NINL: variants seen among roughly 807,000 people sequenced by gnomAD.
NINL encodes the protein ninein like, also known as ninein-like protein.
In NINL, 153 loss-of-function variants were observed where a neutral mutation model predicts 160.3. That is an observed-to-expected ratio of 0.95 (90% confidence interval 0.84 to 1.09). The LOEUF is 1.09. Among genes scored for constraint, NINL ranks in the 50% least tolerant of loss-of-function variants. NINL has a pLI of 0.00. For missense variants in NINL, 1,829 were observed against 1,764.0 expected (o/e 1.04, Z -0.66); for synonymous variants, 800 against 734.8 (o/e 1.09, Z -1.43).
rs556451558 is a variant in NINL at position 25,489,167 on chromosome 20, C to T, written c.1677+77G>A. ...GCTCTCCCTGGAGCAGACACTCCTG[C>T]GTTACTGTGGACCACCTGCGTGTGG... On this transcript the variant is annotated intron_variant, in intron 13 of 23. Coordinates refer to ENST00000278886, the MANE Select transcript of NINL (RefSeq NM_025176.6). 1.5e-4 allele frequency: 208 copies of T among 1,345,076 alleles called. 2 individuals are homozygous for T. The East Asian group carries it at 3.1e-3, about 20-fold the overall frequency. 83.3% of individuals were successfully genotyped at this position (1,345,076 alleles called of 1,614,324 possible). A position where few individuals can be genotyped will look rare whatever the true frequency, so the allele number is the denominator to read the frequency against.
intron 1 of NINL, among the ~76,000 whole-genome samples, chr20:25,552,568 C>G (rs2064818088): frequency 6.6e-6 from 1 of 152,250 alleles, no homozygotes; most frequent in African/African-American, 2.4e-5. Context: ...TGGCACTATA[C>G]AGACAGAGGC....
Position 25,478,926 on chromosome 20 carries a change from A to G in NINL, c.2198T>C (p.Ile733Thr), listed in dbSNP as rs777060849. The G allele has an allele frequency of 1.3e-6, 2 of 1,533,734 alleles. No individual in the cohort carries two copies. The highest frequency in any genetic ancestry group is 1.7e-6 in the Non-Finnish European group (2 of 1,144,148). The stretch of plus-strand genomic sequence containing the variant: ...TCTCAAAAGAAGCTGGCTGGACCTG[A>G]TCTGCTGCAGGTGGCTGTGATGCCG... ...ALRHHSHLQQIRREAEAELSG... is the reference protein window; with the variant it reads ...ALRHHSHLQQTRREAEAELSG... Residue 733 changes from isoleucine to threonine, a missense_variant, in exon 16 of 24, where the codon ATC (isoleucine) becomes ACC (threonine). Ile to Thr is a moderately conservative substitution (Grantham distance 89, BLOSUM62 -1). Transcript: ENST00000278886.
At chr20:25,525,183 G>A (rs893510764) in intron 2 of NINL, among the ~76,000 whole-genome samples, 10 of 152,186 alleles carry the variant, frequency 6.6e-5, no homozygotes, top group Non-Finnish European at 7.3e-5. Flanking sequence ...CCTTATGAGG[G>A]AGGCACAGTG....
chr20:25,582,708 T>G (rs1041803381), intron 1 of NINL, among the ~76,000 whole-genome samples: 5 of 152,178 alleles, frequency 3.3e-5, no homozygotes, highest in African/African-American at 1.2e-4. Flanking sequence ...CTCTAACACC[T>G]GAACATTTTC....
chr20:25,462,666 G>GTTTTGT (rs2062821017), intron 19 of NINL, 125 bp from the exon 20 acceptor site: 3 of 906,040 alleles, frequency 3.3e-6, no homozygotes, highest in Admixed American at 2.8e-5. Flanking sequence ...GTTTTGTTTT[G>GTTTTGT]TTTTTCAAGA....
intron 10 of NINL, among the ~76,000 whole-genome samples, chr20:25,495,390 T>A (rs1752312383): frequency 6.6e-6 from 1 of 152,222 alleles, no homozygotes; most frequent in Admixed American, 6.5e-5. Flanking sequence ...CGCATAGCTC[T>A]TCTTTGCTAG....
chr20:25,575,997 C>T (rs1448196277), intron 1 of NINL, among the ~76,000 whole-genome samples: 1 of 152,158 alleles, frequency 6.6e-6, no homozygotes, highest in Non-Finnish European at 1.5e-5. Context: ...AAAATGTATT[C>T]ACTAAGCTCA....
chr20:25,537,775 G>C (rs974856502), intron 1 of NINL, among the ~76,000 whole-genome samples: 1 of 152,094 alleles, frequency 6.6e-6, no homozygotes, highest in Non-Finnish European at 1.5e-5. Flanking sequence ...GTCCCATTGT[G>C]GGGGGCGCAG....
chr20:25,536,342 C>T (rs1291099959), intron 1 of NINL, among the ~76,000 whole-genome samples: 1 of 152,086 alleles, frequency 6.6e-6, no homozygotes, highest in Non-Finnish European at 1.5e-5. Context: ...GCCCACTGAG[C>T]CTTTGAGAAA....
intron 2 of NINL, among the ~76,000 whole-genome samples, chr20:25,519,074 GCAACAGAGCGAGACTCTGT>G (rs899892807): frequency 5.8e-5 from 8 of 138,732 alleles, no homozygotes; most frequent in Non-Finnish European, 1.1e-4. Flanking sequence ...TCCAGCCTAG[GCAACAGAGCGAGACTCTGT>G]CTCAAAAAAA....
intron 1 of NINL, among the ~76,000 whole-genome samples, chr20:25,527,406 G>A (rs983099402): frequency 1.3e-5 from 2 of 152,098 alleles, no homozygotes; most frequent in Admixed American, 1.3e-4. Context: ...GCCTGCCTTG[G>A]CCTCTCAAAG....
intron 1 of NINL, among the ~76,000 whole-genome samples, chr20:25,560,963 C>T (rs982952349): frequency 8.0e-5 from 12 of 149,558 alleles, no homozygotes; most frequent in Non-Finnish European, 1.8e-4. Flanking sequence ...TTCAGCTCTC[C>T]CTCTCCCTCT....
chr20:25,535,194 C>T (rs1210405389), intron 1 of NINL, among the ~76,000 whole-genome samples: 1 of 152,148 alleles, frequency 6.6e-6, no homozygotes, highest in Non-Finnish European at 1.5e-5. Flanking sequence ...AGACCTTACT[C>T]AGATGTGGAT....
At chr20:25,555,571 G>A (rs567402282) in intron 1 of NINL, among the ~76,000 whole-genome samples, 23 of 152,268 alleles carry the variant, frequency 1.5e-4, no homozygotes, top group South Asian at 2.1e-4. Context: ...TTCAGAACAC[G>A]AAAGACACAT....
intron 3 of NINL, among the ~76,000 whole-genome samples, chr20:25,513,499 TAAC>T (rs1568932430): frequency 6.6e-6 from 1 of 152,200 alleles, no homozygotes; most frequent in Non-Finnish European, 1.5e-5. Context: ...TGAGCCTTAT[TAAC>T]AATCATCCCA....
intron 11 of NINL, among the ~76,000 whole-genome samples, chr20:25,490,646 T>C (rs941327908): frequency 6.6e-6 from 1 of 151,652 alleles, no homozygotes; most frequent in Non-Finnish European, 1.5e-5. Flanking sequence ...TCCAGAGCCA[T>C]TCCTGAACCA....
intron 1 of NINL, among the ~76,000 whole-genome samples, chr20:25,538,829 A>G (rs1176848101): frequency 6.6e-6 from 1 of 151,866 alleles, no homozygotes; most frequent in Non-Finnish European, 1.5e-5. Flanking sequence ...AGAACTGGGG[A>G]GCACAAGGCC....
intron 6 of NINL, 70 bp from the exon 7 acceptor site, chr20:25,504,174 C>T (rs1396227812): frequency 6.9e-7 from 1 of 1,454,178 alleles, no homozygotes; most frequent in Non-Finnish European, 9.2e-7. Context: ...CCAGGGCCTC[C>T]CTCCCTCCCT....
chr20:25,583,762 G>A (rs971660450), intron 1 of NINL, among the ~76,000 whole-genome samples: 1 of 152,140 alleles, frequency 6.6e-6, no homozygotes, highest in Non-Finnish European at 1.5e-5. Context: ...AAGAAAATGT[G>A]GTACAGATAC....
Sources: gnomAD v4.1 joint callset for allele counts (sites outside exome capture counted in the v4.1 genomes callset) on GRCh38, gnomAD v4.1.1 for gene constraint, MANE v1.5 for transcripts, NCBI Gene and HGNC (gene_info 2026-07-23, HGNC 2026-07-21) for gene names.